Variants in NUP205 observed in about 807,000 individuals in gnomAD.
NUP205 encodes the protein nuclear pore complex protein Nup205.
NUP205 carries 76 observed loss-of-function variants against 253.8 expected under a neutral mutation model. The observed-to-expected ratio is 0.30, with a 90% confidence interval of 0.25 to 0.36. The LOEUF is 0.36. NUP205 is among the 10% of genes least tolerant of loss of function. The pLI is 1.00. For synonymous variants in NUP205, 832 were observed against 850.1 expected, an observed-to-expected ratio of 0.98 and a Z score of 0.37; for missense variants, 2,162 against 2,425.5, an observed-to-expected ratio of 0.89 and a Z score of 2.28.
Position 135,604,422 on chromosome 7 carries a change from A to G in NUP205, c.2785A>G (p.Ile929Val). The stretch of plus-strand genomic sequence containing the variant: ...CTGTTGTATCTCTTGCAACTCTAAT[A>G]TTCAGATAAAGTTGGTTGGAGATTT... The part of the protein sequence containing the change: ...ILCCISCNSN[I>V]QIKLVGDFTH... The change falls in exon 19 of 43, where the codon ATT (isoleucine) becomes GTT (valine). Residue 929 changes from isoleucine to valine, a missense_variant. Transcript: ENST00000285968. 3 of 1,610,434 alleles carry G rather than the reference A, an allele frequency of 1.9e-6. No individual in the cohort carries two copies. The highest frequency in any genetic ancestry group is 2.5e-6 in the Non-Finnish European group (3 of 1,178,812).
chr7:135,595,565 T>C (rs756596972), intron 13 of NUP205, among the ~76,000 whole-genome samples: 15 of 152,070 alleles, frequency 9.9e-5, no homozygotes, highest in Non-Finnish European at 1.5e-4. Context: ...TTTTTATTGG[T>C]GGTTATGAGG....
chr7:135,645,801 C>G (rs1339863377), intron 41 of NUP205: 2 of 594,670 alleles, frequency 3.4e-6, no homozygotes, highest in Middle Eastern at 4.5e-4. Flanking sequence ...TATTCTAGAG[C>G]CTGCTCATCA....
chr7:135,616,742 T>A lies in NUP205; in HGVS notation c.3532+16T>A. On this transcript the variant is annotated intron_variant, in intron 25 of 42. Transcript: ENST00000285968. ...GCTACAAAAGGTAATGCCCTTTGAA[T>A]TTGTAATAAATTTATTTTATAGACA... 6.9e-7 allele frequency: 1 copy of A among 1,455,324 alleles called. No individual in the cohort carries two copies. Among genetic ancestry groups the A allele is most frequent in the Non-Finnish European group, 9.2e-7 (1 of 1,087,576 alleles). The allele number at this position is 1,455,324 out of a possible 1,614,324, so 90.2% of individuals were successfully genotyped here. A position where few individuals can be genotyped will look rare whatever the true frequency, so the allele number is the denominator to read the frequency against.
At chr7:135,590,923 C>T (rs73725154) in intron 10 of NUP205, among the ~76,000 whole-genome samples, 5,156 of 152,110 alleles carry the variant, frequency 0.034, 119 homozygotes, top group Middle Eastern at 0.1. Context: ...TTGAGTAATA[C>T]TGTTAGTTGT....
chr7:135,625,068 C>G, intron 31 of NUP205, 96 bp from the exon 32 acceptor site: 142 of 932,374 alleles, frequency 1.5e-4, no homozygotes, highest in Non-Finnish European at 2.0e-4. Flanking sequence ...GAAAAACATT[C>G]TTCATATTTC....
intron 23 of NUP205, 69 bp from the exon 24 acceptor site, chr7:135,615,843 GTTAC>G: frequency 2.2e-6 from 2 of 911,472 alleles, no homozygotes; most frequent in African/African-American, 3.4e-5. Flanking sequence ...TATCTGTTGA[GTTAC>G]AGAATTTAAG....
intron 6 of NUP205, 93 bp from the exon 7 acceptor site, chr7:135,578,658 C>T (rs1417152907): frequency 2.3e-6 from 2 of 857,890 alleles, no homozygotes; most frequent in African/African-American, 1.7e-5. Flanking sequence ...TGTGAGAATG[C>T]TCAGATTTTC....
intron 39 of NUP205, among the ~76,000 whole-genome samples, chr7:135,644,084 A>C (rs1169994214): frequency 2.0e-5 from 3 of 152,186 alleles, no homozygotes; most frequent in African/African-American, 4.8e-5. Context: ...TTGAGTGTCT[A>C]CAACATGCCA....
In NUP205 at chr7:135,625,287, A is replaced by G. The variant is rs1212184168; in HGVS notation, c.4603A>G (p.Thr1535Ala). The change falls in exon 32 of 43, where the codon ACT becomes GCT. Residue 1535 changes from threonine (T) to alanine (A), a missense_variant. By Grantham distance (58) the Thr-to-Ala change is moderately conservative. Around this residue, in one of 5 missense-constraint regions of NUP205, gnomAD observed 1,144 missense variants for 1,280.9 expected, o/e 0.89. Coordinates refer to ENST00000285968, the MANE Select transcript of NUP205 (RefSeq NM_015135.3). ...LVDSLVEDDR[T>A]LQSLLTPQPP... Reference sequence around the variant, plus strand: ...AGACAGCTTGGTAGAAGATGACCGTACTTTGCAGAGCTTACTCACCCCACA... The same window carrying G: ...AGACAGCTTGGTAGAAGATGACCGTGCTTTGCAGAGCTTACTCACCCCACA... 1.2e-6 allele frequency: 2 copies of G among 1,614,026 alleles called. No homozygotes were observed. Among genetic ancestry groups the G allele is most frequent in the Non-Finnish European group, 1.7e-6 (2 of 1,180,022 alleles).
chr7:135,561,296 A>T (rs954855069), intron 1 of NUP205, among the ~76,000 whole-genome samples: 1 of 152,204 alleles, frequency 6.6e-6, no homozygotes, highest in Non-Finnish European at 1.5e-5. Context: ...GTGAGCCGAG[A>T]TCATACCACT....
Position 135,618,280 on chromosome 7 carries a change from AAAT to A in NUP205, c.3772-127_3772-125del, listed in dbSNP as rs146347821. ...ATATTTTTTATAGCCCTGGCTACTG[AAAT>A]AATATGAAAAGATACCTGCTTCCTG... On this transcript the variant is annotated intron_variant, in intron 27 of 42. Coordinates refer to ENST00000285968, the MANE Select transcript of NUP205 (RefSeq NM_015135.3). The A allele has an allele frequency of 9.6e-3, 6,825 of 714,514 alleles. 40 individuals carry two copies. The highest frequency in any genetic ancestry group is 0.013 in the Non-Finnish European group (5,515 of 422,900). 44.3% of individuals were successfully genotyped at this position (714,514 alleles called of 1,614,324 possible). A position where few individuals can be genotyped will look rare whatever the true frequency, so the allele number is the denominator to read the frequency against.
intron 1 of NUP205, among the ~76,000 whole-genome samples, chr7:135,566,990 C>T (rs1397895340): frequency 2.6e-5 from 4 of 151,146 alleles, no homozygotes; most frequent in Admixed American, 6.6e-5. Context: ...CGGCCCACCT[C>T]GGCTTCCCAA....
chr7:135,619,800 C>G lies in NUP205; in HGVS notation c.4242C>G (p.Phe1414Leu). The change falls in exon 30 of 43, where the codon TTC becomes TTG. Residue 1414 changes from phenylalanine to leucine, a missense_variant. Phe to Leu is a conservative substitution (Grantham distance 22). This residue lies in a region of NUP205 where 1,144 missense variants were observed against 1,280.9 expected (regional missense o/e 0.89). Coordinates refer to ENST00000285968, the MANE Select transcript of NUP205 (RefSeq NM_015135.3). ...LDFILKTGGG[F>L]QRVRTHLYGS... is the part of the protein sequence containing the mutation. ...TCCTAATCTCCCTAGGTGGTGGATT[C>G]CAACGAGTGAGGACTCACTTGTATG... 1 of 1,611,698 alleles carries G rather than the reference C, an allele frequency of 6.2e-7. No individual in the cohort carries two copies.
rs537033205 is a variant in NUP205 at position 135,604,281 on chromosome 7, G to T, written c.2703-59G>T. ...CCTGGTTCTAAATTTTCTTTATTGA[G>T]AATAGTGAGACACCAAAAATTTTAT... On this transcript the variant is annotated intron_variant, in intron 18 of 42. Coordinates refer to ENST00000285968, the MANE Select transcript of NUP205 (RefSeq NM_015135.3). 1,762 of 1,494,346 alleles carry T rather than the reference G, an allele frequency of 1.2e-3. 1 individual carries two copies. The highest frequency in any genetic ancestry group is 1.5e-3 in the Non-Finnish European group (1,653 of 1,111,568). The allele number at this position is 1,494,346 out of a possible 1,614,324, so 92.6% of individuals were successfully genotyped here.
At chr7:135,624,760 G>A (rs1794548619) in intron 31 of NUP205, among the ~76,000 whole-genome samples, 1 of 152,124 alleles carries the variant, frequency 6.6e-6, no homozygotes. Context: ...GGGATACAGG[G>A]GTGAGCCACT....
Position 135,628,070 on chromosome 7 carries a change from C to T in NUP205, c.4891C>T (p.Leu1631Phe), listed in dbSNP as rs765739798. 35 of 1,610,500 alleles carry T rather than the reference C, an allele frequency of 2.2e-5. No individual in the cohort carries two copies. The highest frequency in any genetic ancestry group is 2.7e-5 in the Non-Finnish European group (32 of 1,179,398). ...AGCTCTCCAGCTGTGCCAGGTCATC[C>T]TCACATCTAGTATGGCCCAGCACTT... ...LPALQLCQVILTSSMAQHLQA... is the reference protein window; with the variant it reads ...LPALQLCQVIFTSSMAQHLQA... Residue 1631 changes from leucine (L) to phenylalanine (F), a missense_variant, in exon 34 of 43, where the codon CTC (leucine) becomes TTC (phenylalanine). Physicochemically the swap from Leu to Phe is conservative, Grantham distance 22 (BLOSUM62 0). Coordinates refer to ENST00000285968, the MANE Select transcript of NUP205 (RefSeq NM_015135.3).
At chr7:135,577,198 A>G in intron 5 of NUP205, 70 bp downstream of exon 5, 1 of 1,430,212 alleles carries the variant, frequency 7.0e-7, no homozygotes, top group Admixed American at 2.2e-5. Context: ...GACAATTAGA[A>G]TGTTCATTTT....
intron 1 of NUP205, among the ~76,000 whole-genome samples, chr7:135,559,696 T>TTTTTC (rs1448574756): frequency 6.6e-6 from 1 of 151,244 alleles, no homozygotes; most frequent in Non-Finnish European, 1.5e-5. Context: ...CTTTTTTTTT[T>TTTTTC]TTTTCTTTTT....
intron 10 of NUP205, among the ~76,000 whole-genome samples, chr7:135,589,436 G>A (rs73452448): frequency 0.042 from 6,407 of 150,762 alleles, 619 homozygotes; most frequent in African/African-American, 0.15. Flanking sequence ...TTATAGACAT[G>A]CGCCACCACG....
Sources: gnomAD v4.1 joint callset for allele counts (sites outside exome capture counted in the v4.1 genomes callset) on GRCh38, gnomAD v4.1.1 for gene constraint, gnomAD v4.1.1 regional missense constraint, MANE v1.5 for transcripts, NCBI Gene and HGNC (gene_info 2026-07-23, HGNC 2026-07-21) for gene names.